RPS6KA3: variants seen among roughly 807,000 people sequenced by gnomAD.
RPS6KA3 encodes ribosomal protein S6 kinase A3, also known as ribosomal protein S6 kinase alpha-3.
Under a neutral mutation model 67.2 loss-of-function variants are expected in RPS6KA3, and 4 were observed. The ratio of observed to expected loss-of-function variants is 0.06; its 90% confidence interval spans 0.03 to 0.14. RPS6KA3 has a LOEUF of 0.14. Among genes scored for constraint, RPS6KA3 ranks in the 10% least tolerant of loss-of-function variants. RPS6KA3 has a pLI of 1.00. For synonymous variants in RPS6KA3, 182 were observed against 183.7 expected, an observed-to-expected ratio of 0.99 and a Z score of 0.07; for missense variants, 204 against 559.0, an observed-to-expected ratio of 0.36 and a Z score of 6.40.
At chrX:20,253,398 T>C (rs928165406) in intron 1 of RPS6KA3, among the ~76,000 whole-genome samples, 1 of 111,168 alleles carries the variant, frequency 9.0e-6, no homozygotes, top group Non-Finnish European at 1.9e-5. Flanking sequence ...GCAGTTCTAG[T>C]TTGGAGGCTT....
At chrX:20,199,731 A>T (rs1350530293) in intron 4 of RPS6KA3, among the ~76,000 whole-genome samples, 1 of 111,826 alleles carries the variant, frequency 8.9e-6, no homozygotes, top group East Asian at 2.8e-4. Context: ...AAATTTCAGA[A>T]CACCAGGAAT....
rs968872776 is a variant in RPS6KA3 at position 20,154,102 on chromosome X, T to G, written c.*1296A>C. On this transcript the variant is annotated 3_prime_UTR_variant, in exon 22 of 22. Transcript: ENST00000379565. ...CAAATTAGATGCAGATAATGAATAC[T>G]GCAATCTAAGCAGGCCCAGTGGCCA... is the stretch of plus-strand genomic sequence containing the variant. The G allele has an allele frequency of 3.6e-5, 4 of 112,216 alleles. No individual in the cohort carries two copies. Among genetic ancestry groups the G allele is most frequent in the African/African-American group, 1.3e-4 (4 of 30,883 alleles). 9.2% of individuals were successfully genotyped at this position (112,216 alleles called of 1,213,427 possible). A position where few individuals can be genotyped will look rare whatever the true frequency, so the allele number is the denominator to read the frequency against.
At chrX:20,257,326 G>A (rs1291645384) in intron 1 of RPS6KA3, among the ~76,000 whole-genome samples, 1 of 112,282 alleles carries the variant, frequency 8.9e-6, no homozygotes, top group African/African-American at 3.2e-5. Context: ...AGACTTACGA[G>A]TTAAAATTAG....
chrX:20,180,386 C>T (rs190850584), intron 10 of RPS6KA3, among the ~76,000 whole-genome samples: 2 of 111,205 alleles, frequency 1.8e-5, no homozygotes, highest in East Asian at 2.8e-4. Context: ...GCTAATAACA[C>T]TAAGGGAATA....
chrX:20,252,636 C>T (rs1346147525), intron 1 of RPS6KA3, among the ~76,000 whole-genome samples: 1 of 111,162 alleles, frequency 9.0e-6, no homozygotes, highest in Non-Finnish European at 1.9e-5. Flanking sequence ...GGTGTAAGCT[C>T]ACCTCCCTGC....
At chrX:20,187,774 A>T (rs1453011944) in intron 9 of RPS6KA3, 54 bp downstream of exon 9, 4 of 999,923 alleles carry the variant, frequency 4.0e-6, no homozygotes, top group Non-Finnish European at 5.7e-6. Flanking sequence ...TTCACTGCTG[A>T]TCCTCACTTA....
chrX:20,155,355 T>C lies in RPS6KA3; in HGVS notation c.*43A>G. Reference sequence around the variant, plus strand: ...TGCTACCTGTCGCCAGAACTTGTGCTATCAGCTTACACCATGGTACCAAAT... The same window carrying C: ...TGCTACCTGTCGCCAGAACTTGTGCCATCAGCTTACACCATGGTACCAAAT... On this transcript the variant is annotated 3_prime_UTR_variant, in exon 22 of 22. Transcript: ENST00000379565. The C allele has an allele frequency of 4.1e-6, 5 of 1,207,143 alleles. No individual in the cohort carries two copies. Among genetic ancestry groups the C allele is most frequent in the Non-Finnish European group, 5.6e-6 (5 of 891,622 alleles).
intron 7 of RPS6KA3, 128 bp downstream of exon 7, chrX:20,193,359 T>A: frequency 2.2e-6 from 1 of 459,433 alleles, no homozygotes; most frequent in Non-Finnish European, 3.8e-6. Flanking sequence ...AACTACAGTG[T>A]TAGCAGAGAT....
chrX:20,258,160 G>C (rs764047770), intron 1 of RPS6KA3, among the ~76,000 whole-genome samples: 136 of 111,688 alleles, frequency 1.2e-3, no homozygotes, highest in African/African-American at 4.2e-3. Flanking sequence ...TGTTCAACAT[G>C]GTAGCCAATA....
chrX:20,263,064 T>C (rs1172361936), intron 1 of RPS6KA3, among the ~76,000 whole-genome samples: 1 of 112,249 alleles, frequency 8.9e-6, no homozygotes, highest in Non-Finnish European at 1.9e-5. Flanking sequence ...TCGAGGTAGC[T>C]ATTTTCATAC....
At chrX:20,221,520 T>C (rs945785741) in intron 2 of RPS6KA3, among the ~76,000 whole-genome samples, 2 of 111,954 alleles carry the variant, frequency 1.8e-5, no homozygotes, top group African/African-American at 6.5e-5. Context: ...ATACTACACA[T>C]AGTATCACTT....
chrX:20,207,384 C>T (rs1478182099), intron 3 of RPS6KA3, among the ~76,000 whole-genome samples: 1 of 111,998 alleles, frequency 8.9e-6, no homozygotes, highest in African/African-American at 3.2e-5. Context: ...TGAGTTTGGT[C>T]TCAGACATGT....
chrX:20,213,085 T>C (rs1210576709), intron 2 of RPS6KA3, among the ~76,000 whole-genome samples: 1 of 112,196 alleles, frequency 8.9e-6, no homozygotes, highest in African/African-American at 3.2e-5. Context: ...CGAGGTCCTC[T>C]ACAATATGGC....
chrX:20,245,566 A>G (rs1461063595), intron 1 of RPS6KA3, among the ~76,000 whole-genome samples: 1 of 112,050 alleles, frequency 8.9e-6, no homozygotes, highest in Non-Finnish European at 1.9e-5. Context: ...ACTAGAGAAA[A>G]TTAGTAAAGT....
chrX:20,159,601 T>C (rs191381740), intron 20 of RPS6KA3, among the ~76,000 whole-genome samples: 78 of 112,163 alleles, frequency 7.0e-4, no homozygotes, highest in African/African-American at 2.1e-3. Flanking sequence ...TCTCCATTCT[T>C]ACCTGCCCTT....
chrX:20,242,693 G>A (rs187585780), intron 1 of RPS6KA3, among the ~76,000 whole-genome samples: 13 of 112,232 alleles, frequency 1.2e-4, no homozygotes, highest in Non-Finnish European at 1.9e-4. Flanking sequence ...ATTATACAAG[G>A]AAGTGGCTTG....
intron 15 of RPS6KA3, among the ~76,000 whole-genome samples, chrX:20,171,593 T>G (rs929576933): frequency 4.5e-5 from 5 of 111,455 alleles, no homozygotes; most frequent in African/African-American, 1.6e-4. Flanking sequence ...TAGAATCCAG[T>G]TGTGTTGGGA....
At chrX:20,221,912 T>G (rs967139244) in intron 2 of RPS6KA3, among the ~76,000 whole-genome samples, 2 of 112,491 alleles carry the variant, frequency 1.8e-5, no homozygotes, top group East Asian at 5.6e-4. Flanking sequence ...AGGAAGAACC[T>G]GAATAATAAG....
intron 1 of RPS6KA3, among the ~76,000 whole-genome samples, chrX:20,262,207 T>TGTC (rs1569282898): frequency 2.1e-4 from 23 of 111,974 alleles, no homozygotes; most frequent in Middle Eastern, 4.6e-3. Context: ...TCCCTGAGCA[T>TGTC]TGAACTGTAG....
Sources: gnomAD v4.1 joint callset for allele counts (sites outside exome capture counted in the v4.1 genomes callset) on GRCh38, gnomAD v4.1.1 for gene constraint, MANE v1.5 for transcripts, NCBI Gene and HGNC (gene_info 2026-07-23, HGNC 2026-07-21) for gene names.